The following GNB1 variants were observed in gnomAD, a reference collection of about 807,000 sequenced individuals.
The protein encoded by GNB1 is G protein subunit beta 1.
A neutral mutation model predicts 42.9 loss-of-function variants in GNB1; 2 were observed. The observed-to-expected ratio is 0.05, with a 90% CI of 0.02 to 0.15. The LOEUF is 0.15. GNB1 is among the 10% of genes least tolerant of loss of function. The probability of loss-of-function intolerance (pLI) is 1.00; values close to 1 mark genes in which losing one functional copy is unlikely to be tolerated. For missense variants in GNB1, 193 were observed against 462.2 expected (o/e 0.42, Z 5.34); for synonymous variants, 183 against 174.7 (o/e 1.05, Z -0.38).
chr1:1,867,746 T>A (rs1649023296), intron 1 of GNB1, among the ~76,000 whole-genome samples: 1 of 152,234 alleles, frequency 6.6e-6, no homozygotes, highest in Admixed American at 6.5e-5. Flanking sequence ...GCTGTAGATA[T>A]GTTCCGAATG....
intron 1 of GNB1, among the ~76,000 whole-genome samples, chr1:1,876,792 G>C (rs1649570062): frequency 6.6e-6 from 1 of 152,122 alleles, no homozygotes; most frequent in Non-Finnish European, 1.5e-5. Flanking sequence ...ATGTCATTCA[G>C]TCCTCACAAC....
chr1:1,859,273 G>A (rs1648475777), intron 1 of GNB1, among the ~76,000 whole-genome samples: 1 of 152,118 alleles, frequency 6.6e-6, no homozygotes, highest in Non-Finnish European at 1.5e-5. Context: ...CCACCCGCCT[G>A]AGCCTCCGAA....
intron 3 of GNB1, among the ~76,000 whole-genome samples, chr1:1,821,044 A>T (rs1441235007): frequency 6.6e-6 from 1 of 152,258 alleles, no homozygotes; most frequent in Non-Finnish European, 1.5e-5. Flanking sequence ...CACTTAAACC[A>T]GAGATGAACA....
chr1:1,815,683 G>A, intron 5 of GNB1, 73 bp downstream of exon 5: 1 of 815,128 alleles, frequency 1.2e-6, no homozygotes, highest in Non-Finnish European at 2.1e-6. Context: ...AATGGGTTCA[G>A]GTACTTTTCC....
At chr1:1,833,437 T>C (rs1184393907) in intron 2 of GNB1, among the ~76,000 whole-genome samples, 2 of 152,000 alleles carry the variant, frequency 1.3e-5, no homozygotes, top group East Asian at 3.9e-4. Flanking sequence ...CTAACAATAC[T>C]GTGAGGAATA....
intron 9 of GNB1, among the ~76,000 whole-genome samples, chr1:1,789,873 G>C (rs1646459577): frequency 6.6e-6 from 1 of 152,180 alleles, no homozygotes. Flanking sequence ...TGACAGGTGT[G>C]CATGTTGCTG....
At chr1:1,819,825 G>A (rs6664664) in intron 3 of GNB1, among the ~76,000 whole-genome samples, 60,053 of 151,852 alleles carry the variant, frequency 0.4, 14,350 homozygotes, top group Admixed American at 0.55. Context: ...TTATAGGGGA[G>A]AGTTACCATG....
chr1:1,840,943 G>A (rs1647224601), intron 1 of GNB1, among the ~76,000 whole-genome samples: 1 of 152,160 alleles, frequency 6.6e-6, no homozygotes, highest in African/African-American at 2.4e-5. Context: ...CCAGGCTGGA[G>A]TGCAGTGGTA....
chr1:1,819,610 C>T (rs1294373329), intron 3 of GNB1, among the ~76,000 whole-genome samples: 2 of 152,156 alleles, frequency 1.3e-5, no homozygotes, highest in East Asian at 3.9e-4. Flanking sequence ...GTCATCACAG[C>T]TCACTGCAGC....
chr1:1,869,185 CAAAAAAAAAAAAAAAAAA>C (rs71578347), intron 1 of GNB1, among the ~76,000 whole-genome samples: 14 of 26,748 alleles, frequency 5.2e-4, no homozygotes, highest in Admixed American at 1.8e-3. Context: ...GACACCTTCT[CAAAAAAAAAAAAAAAAAA>C]AAAAAAAAGA....
intron 1 of GNB1, among the ~76,000 whole-genome samples, chr1:1,876,580 C>T (rs1649560802): frequency 6.6e-6 from 1 of 151,836 alleles, no homozygotes. Flanking sequence ...AATGGGGTCT[C>T]ACTATGTTGC....
At chr1:1,793,494 G>C (rs1646507758) in intron 7 of GNB1, 183 bp from the exon 8 acceptor site, 4 of 479,914 alleles carry the variant, frequency 8.3e-6, no homozygotes, top group Non-Finnish European at 1.6e-5. Context: ...GCTGGTGAGG[G>C]TGAGAGCCTG....
At chr1:1,811,298 G>A (rs1313198214) in intron 5 of GNB1, among the ~76,000 whole-genome samples, 1 of 151,882 alleles carries the variant, frequency 6.6e-6, no homozygotes, top group Non-Finnish European at 1.5e-5. Context: ...ATGTCAGCCA[G>A]GCTGGTCTCG....
intron 2 of GNB1, among the ~76,000 whole-genome samples, chr1:1,838,734 G>A (rs1000427007): frequency 6.6e-5 from 10 of 151,946 alleles, no homozygotes; most frequent in South Asian, 4.1e-4. Context: ...ATCAGCCACC[G>A]CACCCGGCCA....
chr1:1,855,798 G>C (rs1432138352), intron 1 of GNB1, among the ~76,000 whole-genome samples: 28 of 152,248 alleles, frequency 1.8e-4, no homozygotes, highest in Non-Finnish European at 1.8e-4. Context: ...TGGGGAAAGA[G>C]AGACACCTGG....
At chr1:1,803,339 C>CA (rs1192429653) in intron 7 of GNB1, among the ~76,000 whole-genome samples, 3 of 152,214 alleles carry the variant, frequency 2.0e-5, no homozygotes, top group Non-Finnish European at 4.4e-5. Context: ...CGCTTTCGCC[C>CA]AGCCTGGAGT....
chr1:1,795,149 C>T (rs1444625975), intron 7 of GNB1, among the ~76,000 whole-genome samples: 1 of 152,192 alleles, frequency 6.6e-6, no homozygotes, highest in Non-Finnish European at 1.5e-5. Flanking sequence ...AAGTCCAGCT[C>T]AGAGGAGGAT....
At chr1:1,835,867 T>C (rs867770748) in intron 2 of GNB1, among the ~76,000 whole-genome samples, 2 of 141,828 alleles carry the variant, frequency 1.4e-5, no homozygotes, top group South Asian at 2.2e-4. Context: ...AGCCCAGGAA[T>C]TGAAGACCAG....
At chr1:1,848,767 G>T (rs995934635) in intron 1 of GNB1, among the ~76,000 whole-genome samples, 4 of 152,184 alleles carry the variant, frequency 2.6e-5, no homozygotes, top group African/African-American at 7.2e-5. Flanking sequence ...TGACTGCACA[G>T]CAGGTTAGCA....
Sources: gnomAD v4.1 joint callset for allele counts (sites outside exome capture counted in the v4.1 genomes callset) on GRCh38, gnomAD v4.1.1 for gene constraint, MANE v1.5 for transcripts, NCBI Gene and HGNC (gene_info 2026-07-23, HGNC 2026-07-21) for gene names.